The following ZNF454 variants were observed in gnomAD, a reference collection of about 807,000 sequenced individuals.
ZNF454 encodes zinc finger protein 454.
ZNF454 carries 30 observed loss-of-function variants against 48.2 expected under a neutral mutation model. That is an observed-to-expected ratio of 0.62 (90% CI 0.47 to 0.84). ZNF454 has a LOEUF of 0.84. ZNF454 is among the 40% of genes least tolerant of loss of function. The pLI, the probability that ZNF454 is intolerant of heterozygous loss-of-function variation, is 0.00. For missense variants in ZNF454, 510 were observed against 623.1 expected, an observed-to-expected ratio of 0.82 and a Z score of 1.93; for synonymous variants, 204 against 211.4, an observed-to-expected ratio of 0.97 and a Z score of 0.30.
the ZNF454 span, chr5:178,985,502 G>C: frequency 7.0e-5 from 24 of 340,944 alleles, no homozygotes; most frequent in South Asian, 1.6e-4. Flanking sequence ...AGGAGATCGA[G>C]ACCATCCTGG....
chr5:178,964,152 A>G (rs1316548610), intron 4 of ZNF454, among the ~76,000 whole-genome samples: 7 of 149,298 alleles, frequency 4.7e-5, no homozygotes, highest in African/African-American at 1.5e-4. Context: ...ACGGAGTCTC[A>G]CTCTGTCACC....
At chr5:178,986,222 T>G in the ZNF454 span, 4 of 1,614,082 alleles carry the variant, frequency 2.5e-6, no homozygotes, top group Non-Finnish European at 3.4e-6. Flanking sequence ...TGCTCAAAGA[T>G]GCGGTAGATA....
chr5:178,974,304 GTGGTTGTGGTT>G, the ZNF454 span, among the ~76,000 whole-genome samples: 2 of 143,592 alleles, frequency 1.4e-5, no homozygotes, highest in East Asian at 2.0e-4. Context: ...TGTGGTTGTT[GTGGTTGTGGTT>G]GTTGTTGTTG....
chr5:178,976,773 A>C, the ZNF454 span, among the ~76,000 whole-genome samples: 2 of 152,212 alleles, frequency 1.3e-5, no homozygotes, highest in Non-Finnish European at 2.9e-5. Context: ...AAAGAAGTAC[A>C]CAGGGCATGG....
the ZNF454 span, among the ~76,000 whole-genome samples, chr5:178,984,947 T>C: frequency 1.2e-4 from 19 of 152,248 alleles, no homozygotes; most frequent in Non-Finnish European, 2.4e-4. Context: ...TCTCTCGTAC[T>C]CTTCACACAG....
chr5:178,958,128 T>C (rs190811258), intron 4 of ZNF454, among the ~76,000 whole-genome samples: 3 of 152,324 alleles, frequency 2.0e-5, no homozygotes, highest in Admixed American at 1.3e-4. Flanking sequence ...GTTTTCTATA[T>C]ACATCTTTAT....
chr5:178,961,180 C>T (rs1285233138), intron 4 of ZNF454, among the ~76,000 whole-genome samples: 2 of 151,458 alleles, frequency 1.3e-5, no homozygotes, highest in African/African-American at 2.4e-5. Context: ...CTGTCCGCCT[C>T]AGCCTCCCAA....
Position 178,964,831 on chromosome 5 carries a change from A to G in ZNF454, c.427A>G (p.Thr143Ala), listed in dbSNP as rs1760092703. Residue 143 changes from threonine to alanine, a missense_variant, in exon 5 of 5, where the codon ACT becomes GCT. Thr to Ala is a moderately conservative substitution (Grantham distance 58). Around this residue, in one of 3 missense-constraint regions of ZNF454, gnomAD observed 354 missense variants for 408.9 expected, o/e 0.87. Coordinates refer to ENST00000519564, the MANE Select transcript of ZNF454 (RefSeq NM_001178089.3). ...QEISLQRVVLTHPNTPSQECD... is the reference protein window; with the variant it reads ...QEISLQRVVLAHPNTPSQECD... ...GATCAGTTTGCAGCGAGTGGTACTCACTCACCCCAACACCCCATCACAGGA... is the reference window on the plus strand; with the variant it reads ...GATCAGTTTGCAGCGAGTGGTACTCGCTCACCCCAACACCCCATCACAGGA... The G allele has an allele frequency of 1.9e-6, 3 of 1,614,158 alleles. No individual in the cohort carries two copies. The highest frequency in any genetic ancestry group is 2.5e-6 in the Non-Finnish European group (3 of 1,180,040).
At chr5:178,979,646 T>C in the ZNF454 span, 2 of 152,210 alleles carry the variant, frequency 1.3e-5, no homozygotes, top group Non-Finnish European at 2.9e-5. Flanking sequence ...ATGCCTCTAC[T>C]AAGAACTGCT....
chr5:178,974,191 G>C, the ZNF454 span, among the ~76,000 whole-genome samples: 1 of 152,132 alleles, frequency 6.6e-6, no homozygotes, highest in Non-Finnish European at 1.5e-5. Flanking sequence ...ATAGGTAAAG[G>C]ATGCATCAAT....
the ZNF454 span, among the ~76,000 whole-genome samples, chr5:178,973,975 A>G: frequency 5.3e-5 from 8 of 152,156 alleles, no homozygotes; most frequent in East Asian, 1.9e-4. Context: ...CACCAGGGTC[A>G]TAGTTTAAAC....
the ZNF454 span, chr5:178,975,984 TG>T: frequency 2.8e-6 from 1 of 362,744 alleles, no homozygotes; most frequent in Non-Finnish European, 5.6e-6. Context: ...GAGCCCTGAC[TG>T]CTCCACTCTG....
At chr5:178,986,623 T>C in the ZNF454 span, 13 of 1,602,944 alleles carry the variant, frequency 8.1e-6, no homozygotes, top group Admixed American at 1.7e-5. Context: ...GCGGTACCCG[T>C]CACAGGCCTC....
chr5:178,977,695 G>A, the ZNF454 span, among the ~76,000 whole-genome samples: 542 of 151,744 alleles, frequency 3.6e-3, 3 homozygotes, highest in African/African-American at 0.012. Context: ...TCAGCCCCCC[G>A]AGTAACTGGG....
chr5:178,970,886 T>C (rs965215796), downstream of ZNF454, among the ~76,000 whole-genome samples: 1 of 152,222 alleles, frequency 6.6e-6, no homozygotes, highest in African/African-American at 2.4e-5. Flanking sequence ...TTTCTCTCTG[T>C]AGCCAGCCTG....
intron 4 of ZNF454, among the ~76,000 whole-genome samples, chr5:178,953,021 T>G (rs767049187): frequency 5.9e-5 from 9 of 152,212 alleles, no homozygotes; most frequent in Non-Finnish European, 1.2e-4. Flanking sequence ...CACTTCCCCA[T>G]TTTCCCCTCT....
At position 178,965,422 on chromosome 5, in the gene ZNF454, A is replaced by T; in HGVS notation, c.1018A>T (p.Ser340Cys). Residue 340 changes from serine (S) to cysteine (C), a missense_variant, in exon 5 of 5, where the codon AGT becomes TGT. Transcript: ENST00000519564. The surrounding 1 kb of genome is among the most constrained non-coding windows in gnomAD (Gnocchi z 5.2). The stretch of plus-strand genomic sequence containing the variant: ...TGAATGTGGAAAAGCCTTTAATCAG[A>T]GTACAAGTTTCCTTCAGCATCAGAG... Reference protein sequence around the residue: ...CNECGKAFNQSTSFLQHQRIH... With the variant: ...CNECGKAFNQCTSFLQHQRIH... 1 of 1,614,214 alleles carries T rather than the reference A, an allele frequency of 6.2e-7. No homozygotes were observed. The highest frequency in any genetic ancestry group is 8.5e-7 in the Non-Finnish European group (1 of 1,180,034).
chr5:178,988,855 T>C, the ZNF454 span: 4 of 1,180,262 alleles, frequency 3.4e-6, no homozygotes, highest in Admixed American at 5.7e-5. This position sits in a 1 kb window ranked among gnomAD's most constrained non-coding sequence, Gnocchi z 6.0. Flanking sequence ...CCTTCCACCC[T>C]GAGGTTGTCC....
At chr5:178,976,912 T>G in the ZNF454 span, among the ~76,000 whole-genome samples, 1 of 152,168 alleles carries the variant, frequency 6.6e-6, no homozygotes, top group African/African-American at 2.4e-5. Flanking sequence ...TCAGACCCAA[T>G]CTGGCAGATT....
Sources: allele counts gnomAD v4.1 joint callset (sites outside exome capture counted in the v4.1 genomes callset), GRCh38; gene constraint gnomAD v4.1.1; regional missense constraint gnomAD v4.1.1; non-coding constraint Gnocchi (gnomAD v3.1); transcripts MANE v1.5; gene names NCBI Gene and HGNC (gene_info 2026-07-23, HGNC 2026-07-21).